Variants in DDHD1 observed in about 807,000 individuals in gnomAD.
DDHD1 encodes the protein phospholipase DDHD1.
In DDHD1, 49 loss-of-function variants were observed where a neutral mutation model predicts 96.4. That is an observed-to-expected ratio of 0.51 (90% confidence interval 0.40 to 0.64). The LOEUF is 0.64. Among genes scored for constraint, DDHD1 ranks in the 30% least tolerant of loss-of-function variants. The pLI, the probability that DDHD1 is intolerant of heterozygous loss-of-function variation, is 0.00. For synonymous variants in DDHD1, 442 were observed against 446.5 expected, an observed-to-expected ratio of 0.99 and a Z score of 0.13; for missense variants, 1,106 against 1,161.2, an observed-to-expected ratio of 0.95 and a Z score of 0.69.
At chr14:53,148,316 C>CTT (rs1311738888) in intron 1 of DDHD1, among the ~76,000 whole-genome samples, 23 of 145,820 alleles carry the variant, frequency 1.6e-4, no homozygotes, top group African/African-American at 4.8e-4. Context: ...TTGAATTATT[C>CTT]TTTTTTTTTT....
At position 53,152,469 on chromosome 14, in the gene DDHD1, C is replaced by T; in HGVS notation, c.630G>A (p.Arg210=). The T allele has an allele frequency of 6.2e-7, 1 of 1,612,982 alleles. No homozygotes were observed. The highest frequency in any genetic ancestry group is 8.5e-7 in the Non-Finnish European group (1 of 1,179,696). The change falls in exon 1 of 13, where the codon CGG becomes CGA. Residue 210 remains arginine, a synonymous_variant. Transcript: ENST00000673822. ...TGGGGGAGCACACATGGTCGCCGTCCCGGTCCCCGCCCTGGGGCCGGGCAC... is the reference window on the plus strand; with the variant it reads ...TGGGGGAGCACACATGGTCGCCGTCTCGGTCCCCGCCCTGGGGCCGGGCAC... ...TTGARPQGGD[R]DGDHVCSPTG...
At chr14:53,074,198 T>C (rs1428434873) in intron 4 of DDHD1, among the ~76,000 whole-genome samples, 1 of 152,018 alleles carries the variant, frequency 6.6e-6, no homozygotes, top group Non-Finnish European at 1.5e-5. Flanking sequence ...TTGTTTCATC[T>C]ATTGCTCTCT....
At chr14:53,119,196 C>G (rs1360841803) in intron 1 of DDHD1, among the ~76,000 whole-genome samples, 2 of 152,146 alleles carry the variant, frequency 1.3e-5, no homozygotes, top group Admixed American at 6.5e-5. Flanking sequence ...CCAGTACCAG[C>G]CACTGCAAAA....
At chr14:53,056,766 TATTA>T (rs763509464) in intron 9 of DDHD1, among the ~76,000 whole-genome samples, 26 of 152,300 alleles carry the variant, frequency 1.7e-4, no homozygotes, top group Admixed American at 7.2e-4. Flanking sequence ...TTTAACAAAG[TATTA>T]ATTTTTTTAA....
At chr14:53,146,135 G>A (rs1890962481) in intron 1 of DDHD1, among the ~76,000 whole-genome samples, 1 of 152,068 alleles carries the variant, frequency 6.6e-6, no homozygotes, top group African/African-American at 2.4e-5. Flanking sequence ...GAACCTGGGA[G>A]GCAGAGGTTG....
intron 1 of DDHD1, among the ~76,000 whole-genome samples, chr14:53,131,475 C>G (rs1428778445): frequency 6.6e-6 from 1 of 152,160 alleles, no homozygotes; most frequent in East Asian, 1.9e-4. Context: ...CCTATGGTGC[C>G]AAACCCATAT....
rs1181270050 is a variant in DDHD1, at chr14:53,046,938, G to A, written c.2533C>T (p.His845Tyr). The A allele has an allele frequency of 1.2e-6, 2 of 1,603,988 alleles. No homozygotes were observed. Among genetic ancestry groups the A allele is most frequent in the African/African-American group, 2.7e-5 (2 of 74,338 alleles). Residue 845 changes from histidine to tyrosine, a missense_variant, in exon 13 of 13, where the codon CAC (histidine) becomes TAC (tyrosine). Transcript: ENST00000673822. Reference sequence around the variant, plus strand: ...TCTCTGAGTTCAAAATCAATCCTGTGATCCAACTCCACTAAAAAGAAAAGA... The same window carrying A: ...TCTCTGAGTTCAAAATCAATCCTGTAATCCAACTCCACTAAAAAGAAAAGA... ...NKDNALVELD[H>Y]RIDFELREGL...
intron 11 of DDHD1, chr14:53,053,435 T>C (rs945646409): frequency 2.0e-5 from 3 of 152,138 alleles, no homozygotes; most frequent in African/African-American, 7.2e-5. Context: ...AAAATGCTGT[T>C]GGCCCAAGTA....
intron 1 of DDHD1, among the ~76,000 whole-genome samples, chr14:53,124,235 CAA>C (rs1231118458): frequency 9.1e-6 from 1 of 109,914 alleles, no homozygotes; most frequent in East Asian, 2.5e-4. Context: ...AACTCTGTCT[CAA>C]AAAAAAAAAA....
intron 4 of DDHD1, among the ~76,000 whole-genome samples, chr14:53,085,788 C>T (rs146273767): frequency 6.6e-6 from 1 of 152,154 alleles, no homozygotes; most frequent in African/African-American, 2.4e-5. Flanking sequence ...CAAAGCTGGA[C>T]AGAGAATGAC....
At position 53,040,010 on chromosome 14, in the gene DDHD1, A is replaced by G. The variant is rs1881540324; in HGVS notation, c.*6758T>C. 1 of 152,166 alleles carries G rather than the reference A, an allele frequency of 6.6e-6. No homozygotes were observed. The highest frequency in any genetic ancestry group is 6.6e-5 in the Admixed American group (1 of 15,266). The allele number at this position is 152,166 out of a possible 1,614,324, so 9.4% of individuals were successfully genotyped here. On this transcript the variant is annotated 3_prime_UTR_variant, in exon 13 of 13. Transcript: ENST00000673822. The stretch of plus-strand genomic sequence containing the variant: ...GTATTTCTCATCTAAGGTCAGCACC[A>G]CCTCACGGAATTGCACTGAAATTCC...
chr14:53,102,376 T>C (rs532220693), intron 2 of DDHD1, among the ~76,000 whole-genome samples: 37 of 152,080 alleles, frequency 2.4e-4, no homozygotes, highest in Admixed American at 2.0e-3. Flanking sequence ...TTTATTGATA[T>C]GTAAGAACCT....
At chr14:53,133,725 G>A (rs975563733) in intron 1 of DDHD1, among the ~76,000 whole-genome samples, 2 of 152,072 alleles carry the variant, frequency 1.3e-5, no homozygotes, top group Non-Finnish European at 2.9e-5. Flanking sequence ...CAGCCCTCTA[G>A]GTGACTATCT....
intron 1 of DDHD1, among the ~76,000 whole-genome samples, chr14:53,121,184 T>G (rs1173741667): frequency 6.6e-6 from 1 of 152,044 alleles, no homozygotes; most frequent in Non-Finnish European, 1.5e-5. Context: ...GAAAAAAAAG[T>G]TCATCATCAC....
At chr14:53,060,284 T>C (rs888887284) in intron 8 of DDHD1, among the ~76,000 whole-genome samples, 3 of 152,206 alleles carry the variant, frequency 2.0e-5, no homozygotes, top group Non-Finnish European at 4.4e-5. Context: ...TCCAATAGTC[T>C]AGTCAATGCT....
At position 53,077,666 on chromosome 14, in the gene DDHD1, TTTG is replaced by T. The variant is rs775969198; in HGVS notation, c.1290-3822_1290-3820del. Among the ~76,000 whole-genome samples the T allele has an allele frequency of 9.5e-4, 57 of 60,288 alleles. 1 individual carries two copies. The highest frequency in any genetic ancestry group is 8.4e-3 in the East Asian group (5 of 594). 39.6% of individuals were successfully genotyped at this position (60,288 alleles called of 152,430 possible). The stretch of plus-strand genomic sequence containing the variant: ...TGACACAACTTCATTAGTTTTTGTT[TTTG>T]TTTTTTTTTTTTAAAAAACAATTGT... On this transcript the variant is annotated intron_variant, in intron 4 of 12. Coordinates refer to ENST00000673822, the MANE Select transcript of DDHD1 (RefSeq NM_001160148.2).
chr14:53,141,460 G>A (rs952974048), intron 1 of DDHD1, among the ~76,000 whole-genome samples: 1 of 152,184 alleles, frequency 6.6e-6, no homozygotes, highest in African/African-American at 2.4e-5. Context: ...AAGATTGTCT[G>A]GACCTAGCTC....
intron 1 of DDHD1, among the ~76,000 whole-genome samples, chr14:53,109,488 G>A (rs1302784566): frequency 6.6e-6 from 1 of 152,082 alleles, no homozygotes; most frequent in East Asian, 1.9e-4. Context: ...ATTGTAATGT[G>A]CTATTTCCTT....
chr14:53,145,638 A>G (rs1194878727), intron 1 of DDHD1, among the ~76,000 whole-genome samples: 2 of 152,178 alleles, frequency 1.3e-5, no homozygotes, highest in Non-Finnish European at 2.9e-5. Flanking sequence ...ACAATTAGTA[A>G]TATCAGAGAG....
Sources: allele counts gnomAD v4.1 joint callset (sites outside exome capture counted in the v4.1 genomes callset), GRCh38; gene constraint gnomAD v4.1.1; transcripts MANE v1.5; gene names NCBI Gene and HGNC (gene_info 2026-07-23, HGNC 2026-07-21).